Variants in TSNAX observed in about 807,000 individuals in gnomAD.
TSNAX encodes the protein translin-associated protein X.
In TSNAX, 12 loss-of-function variants were observed where a neutral mutation model predicts 33.0. The ratio of observed to expected loss-of-function variants is 0.36; its 90% confidence interval spans 0.23 to 0.59. The LOEUF (loss-of-function observed/expected upper bound fraction) is 0.59, where lower values mean the gene tolerates loss of function less well. Among genes scored for constraint, TSNAX ranks in the 20% least tolerant of loss-of-function variants. The probability of loss-of-function intolerance (pLI) is 0.74; values close to 1 mark genes in which losing one functional copy is unlikely to be tolerated. For missense variants in TSNAX, 267 were observed against 341.3 expected (o/e 0.78, Z 1.72); for synonymous variants, 110 against 117.2 (o/e 0.94, Z 0.40).
intron 2 of TSNAX, among the ~76,000 whole-genome samples, chr1:231,533,869 G>A (rs1028423285): frequency 2.6e-5 from 4 of 152,148 alleles, no homozygotes; most frequent in South Asian, 4.1e-4. Context: ...AGACTATTCT[G>A]TTGTATAACT....
Position 231,528,690 on chromosome 1 carries a change from G to C in TSNAX, c.-121G>C. On this transcript the variant is annotated 5_prime_UTR_variant, in exon 1 of 6. Transcript: ENST00000366639. ...ACTTCCGGCCACTGCGTTGTAGTCGGCCCGGCTGCAAAGCGTTTTTCTGCA... is the reference window on the plus strand; with the variant it reads ...ACTTCCGGCCACTGCGTTGTAGTCGCCCCGGCTGCAAAGCGTTTTTCTGCA... The C allele has an allele frequency of 1.7e-6, 2 of 1,158,532 alleles. No homozygotes were observed. The highest frequency in any genetic ancestry group is 2.5e-6 in the Non-Finnish European group (2 of 785,678). The allele number at this position is 1,158,532 out of a possible 1,614,324, so 71.8% of individuals were successfully genotyped here. A position where few individuals can be genotyped will look rare whatever the true frequency, so the allele number is the denominator to read the frequency against.
Position 231,561,143 on chromosome 1 carries a change from T to C in TSNAX, c.383T>C (p.Val128Ala). Residue 128 changes from valine to alanine, a missense_variant, in exon 5 of 6, where the codon GTG (valine) becomes GCG (alanine). Transcript: ENST00000366639. ...RAITTGLQEYVEAVSFQHFIK... is the reference protein window; with the variant it reads ...RAITTGLQEYAEAVSFQHFIK... ...ACGCTTTCAGGACTACAGGAATATG[T>C]GGAAGCTGTCTCTTTTCAACACTTC... The C allele has an allele frequency of 6.2e-7, 1 of 1,610,732 alleles. No homozygotes were observed. The highest frequency in any genetic ancestry group is 8.5e-7 in the Non-Finnish European group (1 of 1,179,202).
At chr1:231,530,033 C>T (rs961050141) in intron 2 of TSNAX, among the ~76,000 whole-genome samples, 5 of 152,192 alleles carry the variant, frequency 3.3e-5, no homozygotes, top group Non-Finnish European at 7.3e-5. Context: ...ATAGTTTAGG[C>T]CTTTTGCCTG....
Position 231,543,715 on chromosome 1 carries a change from A to G in TSNAX, c.367+1104A>G, listed in dbSNP as rs567566470. Among the ~76,000 whole-genome samples, 3 of 152,354 alleles carry G rather than the reference A, an allele frequency of 2.0e-5. No individual in the cohort carries two copies. In the East Asian group the frequency reaches 5.8e-4, roughly 29 times the overall value. ...TATGGGTAAGAGAAAGTACCAGCAT[A>G]CATTAGTTAAAACTGAGGGTGCATT... is the stretch of plus-strand genomic sequence containing the variant. On this transcript the variant is annotated intron_variant, in intron 4 of 5. Transcript: ENST00000366639.
intron 5 of TSNAX, among the ~76,000 whole-genome samples, chr1:231,561,460 G>A (rs1267152525): frequency 6.6e-6 from 1 of 152,188 alleles, no homozygotes; most frequent in East Asian, 1.9e-4. Flanking sequence ...TATTGGGAAA[G>A]TAATGCTCTT....
chr1:231,533,066 G>GT (rs1286566302), intron 2 of TSNAX, among the ~76,000 whole-genome samples: 1 of 149,050 alleles, frequency 6.7e-6, no homozygotes, highest in African/African-American at 2.5e-5. Context: ...TTCATGGGAA[G>GT]TCTTTTTTTT....
chr1:231,557,505 A>G (rs930654176), intron 4 of TSNAX, among the ~76,000 whole-genome samples: 11 of 152,210 alleles, frequency 7.2e-5, no homozygotes, highest in Admixed American at 2.6e-4. Context: ...AAGTAGGTTG[A>G]GAAGTGTGAG....
At chr1:231,547,303 T>C (rs1659976196) in intron 4 of TSNAX, among the ~76,000 whole-genome samples, 1 of 152,150 alleles carries the variant, frequency 6.6e-6, no homozygotes, top group African/African-American at 2.4e-5. Flanking sequence ...ATAGACTTTC[T>C]GCTAGACTAT....
At chr1:231,542,641 A>C (rs1553266839) in intron 4 of TSNAX, 30 bp downstream of exon 4, 7 of 1,596,902 alleles carry the variant, frequency 4.4e-6, no homozygotes, top group Non-Finnish European at 5.1e-6. Context: ...AGGGTAATAT[A>C]TATTTTAAAT....
intron 1 of TSNAX, 63 bp downstream of exon 1, chr1:231,528,889 T>C (rs1658445572): frequency 1.2e-6 from 2 of 1,607,166 alleles, no homozygotes. Flanking sequence ...AGTCTTTCTA[T>C]GCAGTTTTCC....
intron 5 of TSNAX, among the ~76,000 whole-genome samples, chr1:231,564,094 A>C (rs1661282349): frequency 6.6e-6 from 1 of 152,190 alleles, no homozygotes; most frequent in African/African-American, 2.4e-5. Context: ...CTGAATAGGG[A>C]AAGACAAGAA....
In TSNAX at chr1:231,537,515, C is replaced by T. The variant is rs143185955; in HGVS notation, c.236+188C>T. On this transcript the variant is annotated intron_variant, in intron 3 of 5. Coordinates refer to ENST00000366639, the MANE Select transcript of TSNAX (RefSeq NM_005999.3). The stretch of plus-strand genomic sequence containing the variant: ...CAGCACTTTGGGAGGCCAAGGCGGG[C>T]AGATCACTTGAGCTCAGGAGGTCGA... Among the ~76,000 whole-genome samples, 37 of 152,096 alleles carry T rather than the reference C, an allele frequency of 2.4e-4. No individual in the cohort carries two copies. In the East Asian group the frequency reaches 7.2e-3, roughly 29 times the overall value.
intron 4 of TSNAX, among the ~76,000 whole-genome samples, chr1:231,543,005 C>T (rs1454755004): frequency 2.0e-5 from 3 of 151,744 alleles, no homozygotes; most frequent in Non-Finnish European, 4.4e-5. Flanking sequence ...GGTGAAACCC[C>T]GACTCAACTA....
In TSNAX at chr1:231,564,914, G is replaced by A. The variant is rs570122770; in HGVS notation, c.*9G>A. On this transcript the variant is annotated 3_prime_UTR_variant, in exon 6 of 6. Transcript: ENST00000366639. The stretch of plus-strand genomic sequence containing the variant: ...AAGAGGGCATTTCTTAGAATCTAAC[G>A]TTACTCAGTTACTAATTCTTTTGAG... The A allele has an allele frequency of 1.4e-5, 23 of 1,606,554 alleles. No individual in the cohort carries two copies. The highest frequency in any genetic ancestry group is 2.7e-5 in the African/African-American group (2 of 74,742).
intron 4 of TSNAX, among the ~76,000 whole-genome samples, chr1:231,547,836 GCTTT>G (rs1369147245): frequency 1.5e-5 from 2 of 137,096 alleles, no homozygotes; most frequent in South Asian, 4.6e-4. Context: ...AAAAACCATT[GCTTT>G]CTTTTTTTTT....
chr1:231,531,132 T>A (rs1396426613), intron 2 of TSNAX, among the ~76,000 whole-genome samples: 1 of 151,640 alleles, frequency 6.6e-6, no homozygotes, highest in African/African-American at 2.4e-5. Context: ...TTTTTTTAAA[T>A]TTTTTTGTAG....
Position 231,565,110 on chromosome 1 carries a change from G to T in TSNAX, c.*205G>T. On this transcript the variant is annotated 3_prime_UTR_variant, in exon 6 of 6. Transcript: ENST00000366639. ...TCTTATTCATGAAAGTTTGCATACA[G>T]ATGTTTGCATATATGCCTTTTTGAA... 1.6e-6 allele frequency: 1 copy of T among 627,526 alleles called. No homozygotes were observed. Among genetic ancestry groups the T allele is most frequent in the Non-Finnish European group, 2.6e-6 (1 of 388,416 alleles). The allele number at this position is 627,526 out of a possible 1,614,324, so 38.9% of individuals were successfully genotyped here. A position where few individuals can be genotyped will look rare whatever the true frequency, so the allele number is the denominator to read the frequency against.
chr1:231,546,947 A>C (rs1024155824), intron 4 of TSNAX, among the ~76,000 whole-genome samples: 3 of 152,164 alleles, frequency 2.0e-5, no homozygotes, highest in Non-Finnish European at 4.4e-5. Flanking sequence ...TTCTGCCCAC[A>C]TTTTGTTGGC....
intron 4 of TSNAX, among the ~76,000 whole-genome samples, chr1:231,553,911 C>G (rs971138051): frequency 3.9e-5 from 6 of 152,090 alleles, no homozygotes; most frequent in Non-Finnish European, 5.9e-5. Context: ...GTCTCGAACT[C>G]CCAACCTCAG....
Sources: gnomAD v4.1 joint callset for allele counts (sites outside exome capture counted in the v4.1 genomes callset) on GRCh38, gnomAD v4.1.1 for gene constraint, MANE v1.5 for transcripts, NCBI Gene and HGNC (gene_info 2026-07-23, HGNC 2026-07-21) for gene names.